The following ARSB variants were observed in gnomAD, a reference collection of about 807,000 sequenced individuals.
ARSB encodes N-acetylgalactosamine-4-sulfatase.
ARSB carries 41 observed loss-of-function variants against 50.9 expected under a neutral mutation model. The ratio of observed to expected loss-of-function variants is 0.81; its 90% confidence interval spans 0.63 to 1.04. The LOEUF is 1.04. ARSB is among the 50% of genes least tolerant of loss of function. ARSB has a pLI of 0.00. For missense variants in ARSB, 672 were observed against 693.3 expected, an observed-to-expected ratio of 0.97 and a Z score of 0.35; for synonymous variants, 269 against 284.8, an observed-to-expected ratio of 0.94 and a Z score of 0.56.
intron 6 of ARSB, among the ~76,000 whole-genome samples, chr5:78,834,664 C>CAT (rs1744867687): frequency 1.1e-5 from 1 of 93,720 alleles, no homozygotes; most frequent in Non-Finnish European, 2.1e-5. Context: ...TTTGTTTATT[C>CAT]ATCCATTCAC....
At chr5:78,867,216 T>A (rs1191917065) in intron 5 of ARSB, among the ~76,000 whole-genome samples, 2 of 152,092 alleles carry the variant, frequency 1.3e-5, no homozygotes, top group African/African-American at 4.8e-5. Flanking sequence ...GAGATCAAAC[T>A]GCAAGGCGGC....
chr5:78,965,843 A>T (rs1434594734), intron 2 of ARSB, among the ~76,000 whole-genome samples: 1 of 152,208 alleles, frequency 6.6e-6, no homozygotes, highest in Non-Finnish European at 1.5e-5. Flanking sequence ...TCTATGACTC[A>T]ATAAATTCAA....
intron 4 of ARSB, among the ~76,000 whole-genome samples, chr5:78,946,117 AGG>A (rs1357816382): frequency 6.6e-6 from 1 of 152,260 alleles, no homozygotes; most frequent in Non-Finnish European, 1.5e-5. Context: ...AATGAAACCG[AGG>A]CTAGACTCTA....
intron 1 of ARSB, among the ~76,000 whole-genome samples, chr5:78,984,663 C>G (rs1215572101): frequency 6.6e-6 from 1 of 152,094 alleles, no homozygotes; most frequent in Admixed American, 6.5e-5. Context: ...CCCCTTCGCC[C>G]GGAGCTTCAG....
chr5:78,790,713 C>T (rs73120612), intron 6 of ARSB, among the ~76,000 whole-genome samples: 13,101 of 152,140 alleles, frequency 0.086, 1,385 homozygotes, highest in African/African-American at 0.25. Context: ...TAGCTATTAT[C>T]ATCAGTATAA....
chr5:78,862,673 C>T (rs1455808817), intron 5 of ARSB, among the ~76,000 whole-genome samples: 2 of 152,152 alleles, frequency 1.3e-5, no homozygotes, highest in Non-Finnish European at 2.9e-5. Flanking sequence ...CTAGGCATTA[C>T]CATTCAGGAC....
At chr5:78,898,541 A>G (rs922561554) in intron 4 of ARSB, among the ~76,000 whole-genome samples, 6 of 152,218 alleles carry the variant, frequency 3.9e-5, no homozygotes, top group African/African-American at 1.4e-4. Flanking sequence ...TTAGCTTTAT[A>G]TAAAAAAACA....
intron 5 of ARSB, among the ~76,000 whole-genome samples, chr5:78,867,296 C>A (rs550448096): frequency 6.6e-6 from 1 of 151,906 alleles, no homozygotes; most frequent in South Asian, 2.1e-4. Flanking sequence ...CCGGGAAGCT[C>A]GAACTGGGTG....
chr5:78,961,720 G>A (rs749945351), intron 3 of ARSB, among the ~76,000 whole-genome samples: 2 of 152,092 alleles, frequency 1.3e-5, no homozygotes, highest in Non-Finnish European at 2.9e-5. Flanking sequence ...TTGTTGCACA[G>A]ATTAAGGTAT....
chr5:78,823,627 AT>A, intron 6 of ARSB, among the ~76,000 whole-genome samples: 1 of 152,146 alleles, frequency 6.6e-6, no homozygotes, highest in East Asian at 1.9e-4. Flanking sequence ...GCTCCTTGCC[AT>A]TTTTTAGAAG....
At position 78,918,803 on chromosome 5, in the gene ARSB, AG is replaced by A. The variant is rs547788861; in HGVS notation, c.899-32977del. Among the ~76,000 whole-genome samples the A allele has an allele frequency of 7.2e-5, 11 of 152,372 alleles. No homozygotes were observed. In the South Asian group the frequency reaches 2.3e-3, roughly 32 times the overall value. ...AGAACATTTTTTTCTCAGTTCAAAA[AG>A]TAATTAGAAATTATAACCATGAAGG... On this transcript the variant is annotated intron_variant, in intron 4 of 7. Coordinates refer to ENST00000264914, the MANE Select transcript of ARSB (RefSeq NM_000046.5).
intron 4 of ARSB, among the ~76,000 whole-genome samples, chr5:78,913,194 C>G (rs972855935): frequency 3.3e-5 from 5 of 151,802 alleles, no homozygotes; most frequent in Non-Finnish European, 7.4e-5. Context: ...GCGCGATCTC[C>G]GCTCACTGCA....
In ARSB at chr5:78,777,873, T is replaced by TAAAAAAAA. The variant is rs1561419788; in HGVS notation, c.*2523_*2524insTTTTTTTT. ...TCTCAAAAAAAAAAAAAAAAAAAAT[T>TAAAAAAAA]GGAAAGAAATAACATTATTTCTAAC... is the stretch of plus-strand genomic sequence containing the variant. On this transcript the variant is annotated 3_prime_UTR_variant, in exon 8 of 8. Transcript: ENST00000264914. 10 of 135,728 alleles carry TAAAAAAAA rather than the reference T, an allele frequency of 7.4e-5. No individual in the cohort carries two copies. The highest frequency in any genetic ancestry group is 5.8e-5 in the African/African-American group (2 of 34,594). The allele number at this position is 135,728 out of a possible 1,614,324, so 8.4% of individuals were successfully genotyped here. A position where few individuals can be genotyped will look rare whatever the true frequency, so the allele number is the denominator to read the frequency against.
chr5:78,885,361 G>C, intron 5 of ARSB: 1 of 666,984 alleles, frequency 1.5e-6, no homozygotes, highest in Non-Finnish European at 2.3e-6. Context: ...GATGGGCTGA[G>C]GACAATCTTG....
chr5:78,962,423 A>G (rs1487029771), intron 3 of ARSB, among the ~76,000 whole-genome samples: 1 of 151,998 alleles, frequency 6.6e-6, no homozygotes, highest in African/African-American at 2.4e-5. Context: ...CACAGAAAGC[A>G]TGGTTGCTTC....
chr5:78,852,488 CA>C, intron 5 of ARSB, among the ~76,000 whole-genome samples: 1 of 152,322 alleles, frequency 6.6e-6, no homozygotes, highest in African/African-American at 2.4e-5. Context: ...CTGCCCTTAA[CA>C]TTTTTTCCTT....
chr5:78,976,406 A>AC (rs147369159), intron 1 of ARSB, among the ~76,000 whole-genome samples: 2 of 144,168 alleles, frequency 1.4e-5, no homozygotes, highest in African/African-American at 2.6e-5. Flanking sequence ...CCCGCCATCT[A>AC]CCCCCCTGCC....
intron 5 of ARSB, among the ~76,000 whole-genome samples, chr5:78,880,478 CCAAAACAAAA>C (rs1210612196): frequency 1.3e-5 from 2 of 152,124 alleles, no homozygotes; most frequent in African/African-American, 4.8e-5. Flanking sequence ...ATTTTTGCCA[CCAAAACAAAA>C]CAAAAGAAAA....
chr5:78,936,003 C>CT lies in ARSB; in HGVS notation c.898+19291dup, dbSNP rs1334773482. Among the ~76,000 whole-genome samples, 32 of 7,984 alleles carry CT rather than the reference C, an allele frequency of 4.0e-3. No individual in the cohort carries two copies. The East Asian group carries it at 0.25, about 62-fold the overall frequency. The allele number at this position is 7,984 out of a possible 152,430, so 5.2% of individuals were successfully genotyped here. On this transcript the variant is annotated intron_variant, in intron 4 of 7. Coordinates refer to ENST00000264914, the MANE Select transcript of ARSB (RefSeq NM_000046.5). ...TTCCTTTTCTTTCCTCCTTTCTTTT[C>CT]TTTCTGTCTTTCTCTCTGTCTCTCC...
Sources: gnomAD v4.1 joint callset for allele counts (sites outside exome capture counted in the v4.1 genomes callset) on GRCh38, gnomAD v4.1.1 for gene constraint, MANE v1.5 for transcripts, NCBI Gene and HGNC (gene_info 2026-07-23, HGNC 2026-07-21) for gene names.